Variants in RNLS observed in about 807,000 individuals in gnomAD.
The protein encoded by RNLS is renalase, FAD dependent amine oxidase.
RNLS carries 39 observed loss-of-function variants against 39.8 expected under a neutral mutation model. The ratio of observed to expected loss-of-function variants is 0.98; its 90% confidence interval spans 0.76 to 1.28. The LOEUF (loss-of-function observed/expected upper bound fraction) is 1.28. RNLS is among the 50% of genes most tolerant of loss of function. The probability of loss-of-function intolerance (pLI) is 0.00; values close to 1 mark genes in which losing one functional copy is unlikely to be tolerated. For synonymous variants in RNLS, 147 were observed against 150.7 expected (o/e 0.98, Z 0.18); for missense variants, 410 against 413.3 (o/e 0.99, Z 0.07).
chr10:88,191,452 T>C, the RNLS span, among the ~76,000 whole-genome samples: 1 of 152,232 alleles, frequency 6.6e-6, no homozygotes, highest in Admixed American at 6.5e-5. Flanking sequence ...TATGATGTGA[T>C]GTTTAATATA....
the RNLS span, among the ~76,000 whole-genome samples, chr10:88,229,145 ATCT>A: frequency 1.3e-5 from 2 of 152,224 alleles, no homozygotes; most frequent in Admixed American, 1.3e-4. Flanking sequence ...AAAATAAAAG[ATCT>A]TCTTCCAACC....
intron 6 of RNLS, among the ~76,000 whole-genome samples, chr10:88,295,238 T>C (rs554550508): frequency 1.8e-4 from 27 of 152,272 alleles, no homozygotes; most frequent in Non-Finnish European, 3.4e-4. Context: ...AATGATAAAT[T>C]GGGGTGCTGA....
intron 4 of RNLS, among the ~76,000 whole-genome samples, chr10:88,460,153 T>A (rs1013760007): frequency 3.3e-5 from 5 of 152,108 alleles, no homozygotes; most frequent in African/African-American, 4.8e-5. Flanking sequence ...CTTGTCACCA[T>A]GAGATAATGT....
intron 4 of RNLS, among the ~76,000 whole-genome samples, chr10:88,413,011 G>A (rs1853781566): frequency 6.6e-6 from 1 of 152,160 alleles, no homozygotes; most frequent in Admixed American, 6.6e-5. Flanking sequence ...ATTCACTACT[G>A]TGTTTAAGGA....
intron 4 of RNLS, among the ~76,000 whole-genome samples, chr10:88,533,737 A>T (rs1024321763): frequency 6.6e-5 from 10 of 152,116 alleles, no homozygotes; most frequent in African/African-American, 2.4e-4. Context: ...ACAGGGAGTG[A>T]CACTGCACTG....
At chr10:88,432,122 C>T (rs1247503001) in intron 4 of RNLS, among the ~76,000 whole-genome samples, 1 of 151,460 alleles carries the variant, frequency 6.6e-6, no homozygotes, top group African/African-American at 2.4e-5. Context: ...TCCTCATTAT[C>T]ATGTATTTTG....
the RNLS span, among the ~76,000 whole-genome samples, chr10:88,208,609 GA>G: frequency 4.6e-5 from 7 of 151,832 alleles, no homozygotes; most frequent in South Asian, 2.1e-4. Context: ...CAATTTCAGG[GA>G]AAAAAAATTG....
chr10:88,263,986 C>T, the RNLS span, among the ~76,000 whole-genome samples: 1 of 152,158 alleles, frequency 6.6e-6, no homozygotes, highest in Non-Finnish European at 1.5e-5. Flanking sequence ...ACCCTTTCTC[C>T]CAAGTCCCCA....
the RNLS span, among the ~76,000 whole-genome samples, chr10:88,191,813 C>G: frequency 6.6e-6 from 1 of 152,202 alleles, no homozygotes; most frequent in Non-Finnish European, 1.5e-5. Context: ...GGGTGAAACA[C>G]TATCTTGGGT....
In RNLS at chr10:88,292,575, T is replaced by TA. The variant is rs57247036; in HGVS notation, c.877-7070dup. ...CAACTGCATACAAGGTAACTCACAT[T>TA]AAAAAAAAAAAAAAAACCTAGTTGC... On this transcript the variant is annotated intron_variant, in intron 6 of 6. Transcript: ENST00000331772. Among the ~76,000 whole-genome samples the TA allele has an allele frequency of 4.5e-3, 609 of 136,256 alleles. 3 individuals are homozygous for TA. Among genetic ancestry groups the TA allele is most frequent in the African/African-American group, 0.012 (435 of 36,744 alleles). The allele number at this position is 136,256 out of a possible 152,430, so 89.4% of individuals were successfully genotyped here.
chr10:88,190,215 C>T, the RNLS span, among the ~76,000 whole-genome samples: 1 of 152,240 alleles, frequency 6.6e-6, no homozygotes, highest in Non-Finnish European at 1.5e-5. Flanking sequence ...AACTGGTGGT[C>T]TGCTGTGATG....
the RNLS span, among the ~76,000 whole-genome samples, chr10:88,203,296 G>GTATA: frequency 3.6e-4 from 1 of 2,754 alleles, no homozygotes; most frequent in Non-Finnish European, 7.9e-4. Context: ...ATATACGTAT[G>GTATA]TATATATATA....
the RNLS span, among the ~76,000 whole-genome samples, chr10:88,268,095 C>A: frequency 6.6e-6 from 1 of 152,156 alleles, no homozygotes; most frequent in African/African-American, 2.4e-5. Context: ...CATATGGATT[C>A]TTCTATTAAA....
chr10:88,347,609 C>A (rs1848395225), intron 5 of RNLS, among the ~76,000 whole-genome samples: 1 of 151,764 alleles, frequency 6.6e-6, no homozygotes, highest in South Asian at 2.1e-4. Flanking sequence ...AACACCAACC[C>A]CCCCCAATAA....
At chr10:88,477,709 T>C (rs1389272779) in intron 4 of RNLS, among the ~76,000 whole-genome samples, 1 of 152,206 alleles carries the variant, frequency 6.6e-6, no homozygotes, top group African/African-American at 2.4e-5. Flanking sequence ...ATCATCCCCC[T>C]TAATTTCCAT....
chr10:88,239,242 T>C, the RNLS span, among the ~76,000 whole-genome samples: 1 of 152,156 alleles, frequency 6.6e-6, no homozygotes, highest in Non-Finnish European at 1.5e-5. Context: ...ATGCCTTTGA[T>C]GGGTTAACCG....
chr10:88,216,291 A>C, the RNLS span, among the ~76,000 whole-genome samples: 1 of 152,168 alleles, frequency 6.6e-6, no homozygotes, highest in Non-Finnish European at 1.5e-5. Context: ...AGTAGAGGGA[A>C]ATTTTTTGGC....
chr10:88,285,386 A>T lies in RNLS; in HGVS notation c.997T>A (p.Cys333Ser). ...NFDGCITSAL[C>S]VLEALKNYI Reference sequence around the variant, plus strand: ...TAATTCTTTAAAGCTTCCAGAACACATAGGGCAGAAGTGATGCAGCCATCA... The same window carrying T: ...TAATTCTTTAAAGCTTCCAGAACACTTAGGGCAGAAGTGATGCAGCCATCA... Residue 333 changes from cysteine to serine, a missense_variant, in exon 7 of 7, where the codon TGT becomes AGT. By Grantham distance (112) the Cys-to-Ser change is moderately radical (BLOSUM62 -1). Transcript: ENST00000331772. The T allele has an allele frequency of 6.2e-7, 1 of 1,612,206 alleles. No homozygotes were observed. The highest frequency in any genetic ancestry group is 8.5e-7 in the Non-Finnish European group (1 of 1,178,732).
At chr10:88,508,105 C>T (rs1174231028) in intron 4 of RNLS, among the ~76,000 whole-genome samples, 2 of 152,132 alleles carry the variant, frequency 1.3e-5, no homozygotes, top group African/African-American at 4.8e-5. Flanking sequence ...GTCTCTTATC[C>T]TGTCTTCAGT....
Sources: allele counts gnomAD v4.1 joint callset (sites outside exome capture counted in the v4.1 genomes callset), GRCh38; gene constraint gnomAD v4.1.1; transcripts MANE v1.5; gene names NCBI Gene and HGNC (gene_info 2026-07-23, HGNC 2026-07-21).